CNBD1: variants seen among roughly 807,000 people sequenced by gnomAD.
The protein encoded by CNBD1 is cyclic nucleotide binding domain containing 1.
A neutral mutation model predicts 54.4 loss-of-function variants in CNBD1; 71 were observed. The ratio of observed to expected loss-of-function variants is 1.30; its 90% CI spans 1.08 to 1.59. The LOEUF (loss-of-function observed/expected upper bound fraction) is 1.59, where lower values mean the gene tolerates loss of function less well. CNBD1 is among the 40% of genes most tolerant of loss of function. The pLI is 0.00. For synonymous variants in CNBD1, 182 were observed against 170.7 expected, an observed-to-expected ratio of 1.07 and a Z score of -0.51; for missense variants, 659 against 518.0, an observed-to-expected ratio of 1.27 and a Z score of -2.64.
At chr8:87,100,405 T>C (rs1178280798) in intron 4 of CNBD1, among the ~76,000 whole-genome samples, 2 of 152,104 alleles carry the variant, frequency 1.3e-5, no homozygotes, top group African/African-American at 4.8e-5. Flanking sequence ...ATGAGGTGTG[T>C]GTGTTTGCTT....
chr8:87,184,263 G>A (rs1478369776), intron 4 of CNBD1, among the ~76,000 whole-genome samples: 4 of 152,204 alleles, frequency 2.6e-5, no homozygotes, highest in African/African-American at 9.6e-5. Context: ...ACTTTTTAGT[G>A]GGGCAGCTGA....
chr8:87,047,621 G>A (rs1035498598), intron 4 of CNBD1, among the ~76,000 whole-genome samples: 1 of 152,324 alleles, frequency 6.6e-6, no homozygotes, highest in African/African-American at 2.4e-5. Flanking sequence ...CTGTCTGTCT[G>A]CTTTTCCACT....
At chr8:87,232,712 C>T (rs1048789163) in intron 5 of CNBD1, among the ~76,000 whole-genome samples, 9 of 152,036 alleles carry the variant, frequency 5.9e-5, no homozygotes, top group Non-Finnish European at 7.4e-5. Flanking sequence ...ATTTCAGGGA[C>T]TTCTTTACAT....
chr8:87,331,086 A>T lies in CNBD1; in HGVS notation c.1043-20599A>T, dbSNP rs549740230. The stretch of plus-strand genomic sequence containing the variant: ...TTTTTTACTTTAAGTTCGAGGATAC[A>T]TGTGCAGAACATGAAGGTTTGTTAC... On this transcript the variant is annotated intron_variant, in intron 8 of 10. Transcript: ENST00000518476. Among the ~76,000 whole-genome samples the T allele has an allele frequency of 3.9e-5, 6 of 152,256 alleles. 2 individuals are homozygous for T. The highest frequency in any genetic ancestry group is 1.5e-5 in the Non-Finnish European group (1 of 68,026).
At chr8:87,268,203 T>C (rs1586378228) in intron 6 of CNBD1, among the ~76,000 whole-genome samples, 1 of 152,116 alleles carries the variant, frequency 6.6e-6, no homozygotes, top group African/African-American at 2.4e-5. Flanking sequence ...GAACATAAAG[T>C]ATTTGGTTTT....
chr8:86,936,897 T>C (rs2130419181), intron 3 of CNBD1, among the ~76,000 whole-genome samples: 1 of 152,242 alleles, frequency 6.6e-6, no homozygotes, highest in South Asian at 2.1e-4. Flanking sequence ...ATGCAAAAAG[T>C]TTTTCCAGCT....
chr8:87,413,095 C>A, intron 2 of CNBD1, among the ~76,000 whole-genome samples: 1 of 151,896 alleles, frequency 6.6e-6, no homozygotes, highest in East Asian at 1.9e-4. Context: ...TCAATTGTAC[C>A]TAGTGAACGA....
intron 4 of CNBD1, among the ~76,000 whole-genome samples, chr8:86,943,365 C>CAAAAA (rs1158061860): frequency 0.046 from 1,422 of 30,800 alleles, 23 homozygotes; most frequent in Non-Finnish European, 0.066. Flanking sequence ...GACTCCATCT[C>CAAAAA]AAAAAAAAAA....
intron 1 of CNBD1, among the ~76,000 whole-genome samples, chr8:86,876,694 A>G (rs1280181966): frequency 2.0e-5 from 3 of 151,820 alleles, no homozygotes; most frequent in African/African-American, 7.2e-5. Context: ...AGAGAAATAC[A>G]TATTTTAACT....
At chr8:86,899,434 C>T (rs1411088111) in intron 2 of CNBD1, among the ~76,000 whole-genome samples, 1 of 151,810 alleles carries the variant, frequency 6.6e-6, no homozygotes, top group African/African-American at 2.4e-5. Flanking sequence ...TCATGTTGTA[C>T]ACTTAAATAT....
intron 10 of CNBD1, among the ~76,000 whole-genome samples, chr8:87,361,689 A>AATATATATAT (rs71277937): frequency 0.017 from 2,456 of 143,394 alleles, 37 homozygotes; most frequent in Non-Finnish European, 0.023. Context: ...TAGTTGGATG[A>AATATATATAT]ATATATATAT....
chr8:87,045,072 G>A (rs139541028), intron 4 of CNBD1, among the ~76,000 whole-genome samples: 4 of 152,292 alleles, frequency 2.6e-5, no homozygotes, highest in African/African-American at 9.6e-5. Flanking sequence ...ACTTCCTGAT[G>A]GAGAGGGGTG....
intron 8 of CNBD1, among the ~76,000 whole-genome samples, chr8:87,319,423 C>T (rs781522035): frequency 1.6e-4 from 25 of 152,028 alleles, no homozygotes; most frequent in Non-Finnish European, 2.5e-4. Context: ...ATTCTCTTCT[C>T]CTTTGACAAT....
chr8:87,369,447 C>T (rs550767541), intron 10 of CNBD1, among the ~76,000 whole-genome samples: 1 of 152,042 alleles, frequency 6.6e-6, no homozygotes, highest in Non-Finnish European at 1.5e-5. Flanking sequence ...CACATTCTAT[C>T]CTTCCTTTTC....
At chr8:87,226,845 A>T (rs1372130562) in intron 5 of CNBD1, among the ~76,000 whole-genome samples, 6 of 151,062 alleles carry the variant, frequency 4.0e-5, no homozygotes, top group African/African-American at 1.5e-4. Flanking sequence ...TGGGGTGTTA[A>T]AGTCTCCCAT....
intron 1 of CNBD1, among the ~76,000 whole-genome samples, chr8:86,883,548 A>G (rs1467991279): frequency 1.3e-5 from 2 of 152,188 alleles, no homozygotes; most frequent in East Asian, 3.9e-4. Flanking sequence ...ATAGCATTCA[A>G]TGGAGCAGTC....
chr8:86,885,688 T>C (rs1210153371), intron 1 of CNBD1, among the ~76,000 whole-genome samples: 1 of 152,194 alleles, frequency 6.6e-6, no homozygotes, highest in Non-Finnish European at 1.5e-5. Context: ...AGATCCATTA[T>C]GTTGCTCAAC....
At chr8:86,988,118 G>T (rs1808650611) in intron 4 of CNBD1, among the ~76,000 whole-genome samples, 1 of 146,886 alleles carries the variant, frequency 6.8e-6, no homozygotes, top group Non-Finnish European at 1.5e-5. Flanking sequence ...GAATCAATCT[G>T]GTCCAGGGCA....
At chr8:87,236,845 A>G in intron 5 of CNBD1, 74 bp from the exon 6 acceptor site, 1 of 795,350 alleles carries the variant, frequency 1.3e-6, no homozygotes, top group East Asian at 2.6e-5. Context: ...CGTAAGTGTA[A>G]TATATATATT....
Sources: gnomAD v4.1 joint callset for allele counts (sites outside exome capture counted in the v4.1 genomes callset) on GRCh38, gnomAD v4.1.1 for gene constraint, MANE v1.5 for transcripts, NCBI Gene and HGNC (gene_info 2026-07-23, HGNC 2026-07-21) for gene names.